TRPC5: variants seen among roughly 807,000 people sequenced by gnomAD.
The protein encoded by TRPC5 is short transient receptor potential channel 5.
In TRPC5, 9 loss-of-function variants were observed where a neutral mutation model predicts 56.5. The ratio of observed to expected loss-of-function variants is 0.16; its 90% CI spans 0.10 to 0.28. The LOEUF (loss-of-function observed/expected upper bound fraction) is 0.28, where lower values mean the gene tolerates loss of function less well. Ranked by LOEUF, TRPC5 falls within the 10% of genes least tolerant of loss-of-function variation. The pLI is 1.00. For missense variants in TRPC5, 469 were observed against 748.9 expected (o/e 0.63, Z 4.36); for synonymous variants, 282 against 278.5 (o/e 1.01, Z -0.13).
intron 2 of TRPC5, among the ~76,000 whole-genome samples, chrX:111,914,527 G>A (rs1452056609): frequency 8.9e-6 from 1 of 112,021 alleles, no homozygotes; most frequent in African/African-American, 3.2e-5. Flanking sequence ...TAGGAGAAAG[G>A]TGGAGGAGGA....
intron 2 of TRPC5, among the ~76,000 whole-genome samples, chrX:111,942,029 A>T (rs1286843594): frequency 8.9e-6 from 1 of 112,076 alleles, no homozygotes; most frequent in African/African-American, 3.2e-5. Context: ...AGACAGGGTC[A>T]TGGAGGCAGG....
chrX:112,009,330 A>G (rs1928929506), intron 1 of TRPC5, among the ~76,000 whole-genome samples: 1 of 111,115 alleles, frequency 9.0e-6, no homozygotes, highest in African/African-American at 3.3e-5. Context: ...GGCACCCAAT[A>G]TTTTCATAAA....
intron 1 of TRPC5, among the ~76,000 whole-genome samples, chrX:111,990,553 C>T (rs1408000372): frequency 9.0e-6 from 1 of 111,530 alleles, no homozygotes; most frequent in Non-Finnish European, 1.9e-5. Context: ...GTTAAAATGG[C>T]CCCAAGACAG....
At chrX:112,028,781 G>A (rs766746871) in intron 1 of TRPC5, among the ~76,000 whole-genome samples, 1 of 111,750 alleles carries the variant, frequency 8.9e-6, no homozygotes, top group South Asian at 3.8e-4. Flanking sequence ...AATCCTTTGG[G>A]TATATACCCA....
intron 7 of TRPC5, among the ~76,000 whole-genome samples, chrX:111,807,116 A>G (rs1921539423): frequency 9.0e-6 from 1 of 111,519 alleles, no homozygotes; most frequent in Non-Finnish European, 1.9e-5. Flanking sequence ...ATATTTCTAT[A>G]GGTTTGGGAA....
chrX:111,933,696 T>C (rs1056853540), intron 2 of TRPC5, among the ~76,000 whole-genome samples: 4 of 111,530 alleles, frequency 3.6e-5, no homozygotes, highest in African/African-American at 1.3e-4. Flanking sequence ...TTAGATCAAG[T>C]TTAAATAATT....
At chrX:111,937,895 A>G (rs969220186) in intron 2 of TRPC5, among the ~76,000 whole-genome samples, 1 of 105,500 alleles carries the variant, frequency 9.5e-6, no homozygotes, top group Non-Finnish European at 1.9e-5. Context: ...AGTCATTGGT[A>G]GCTTGATGGG....
intron 2 of TRPC5, among the ~76,000 whole-genome samples, chrX:111,935,551 A>C (rs1167263316): frequency 2.7e-5 from 3 of 111,839 alleles, no homozygotes; most frequent in African/African-American, 9.8e-5. Context: ...GCCCAGACCA[A>C]TGTCTTGAAG....
At chrX:111,792,755 C>T (rs144411423) in intron 7 of TRPC5, among the ~76,000 whole-genome samples, 1,617 of 112,311 alleles carry the variant, frequency 0.014, 12 homozygotes, top group Non-Finnish European at 0.021. Flanking sequence ...ACGTCATCAT[C>T]CAGGCACTTT....
intron 1 of TRPC5, among the ~76,000 whole-genome samples, chrX:112,071,345 T>TAAATAAAA (rs1359926805): frequency 1.9e-5 from 2 of 107,307 alleles, no homozygotes; most frequent in Admixed American, 9.8e-5. Context: ...AATAAATAAA[T>TAAATAAAA]AAAAAGAATC....
At chrX:111,946,920 A>G (rs2148636013) in intron 2 of TRPC5, among the ~76,000 whole-genome samples, 1 of 112,654 alleles carries the variant, frequency 8.9e-6, no homozygotes, top group African/African-American at 3.2e-5. Flanking sequence ...TGGCAAAGTC[A>G]TTCTGGAGCA....
rs183030127 is a variant in TRPC5, at chrX:111,915,517, G to A, written c.379-2705C>T. On this transcript the variant is annotated intron_variant, in intron 2 of 10. Transcript: ENST00000262839. ...CTCTGCCACTCAGGGGCCATTGCAA[G>A]TTCTGGCTTCTTCAATAGCTCCTCC... is the stretch of plus-strand genomic sequence containing the variant. Among the ~76,000 whole-genome samples the A allele has an allele frequency of 2.5e-3, 281 of 111,903 alleles. 1 individual carries two copies. Among genetic ancestry groups the A allele is most frequent in the African/African-American group, 8.8e-3 (271 of 30,789 alleles).
At chrX:111,956,354 A>C (rs1029277256) in intron 1 of TRPC5, among the ~76,000 whole-genome samples, 1 of 112,077 alleles carries the variant, frequency 8.9e-6, no homozygotes, top group African/African-American at 3.2e-5. Context: ...CCAGTTGTTT[A>C]TCTCTCCAGG....
At chrX:111,841,869 C>T (rs1922744637) in intron 6 of TRPC5, among the ~76,000 whole-genome samples, 1 of 108,583 alleles carries the variant, frequency 9.2e-6, no homozygotes, top group Non-Finnish European at 1.9e-5. Flanking sequence ...TGCCACCATG[C>T]CTGGCTAATT....
At chrX:111,947,358 A>G (rs1009428608) in intron 2 of TRPC5, among the ~76,000 whole-genome samples, 11 of 110,978 alleles carry the variant, frequency 9.9e-5, no homozygotes, top group Non-Finnish European at 2.1e-4. Context: ...TTATTTTGAG[A>G]CAGAGTGTCT....
At chrX:111,960,226 T>C (rs1927340315) in intron 1 of TRPC5, among the ~76,000 whole-genome samples, 1 of 112,077 alleles carries the variant, frequency 8.9e-6, no homozygotes, top group African/African-American at 3.2e-5. Context: ...TACAGGGGAC[T>C]CTTTCAATTT....
At chrX:112,067,393 T>G (rs1351202853) in intron 1 of TRPC5, among the ~76,000 whole-genome samples, 1 of 112,617 alleles carries the variant, frequency 8.9e-6, no homozygotes, top group African/African-American at 3.2e-5. Flanking sequence ...GCCTCAGTAA[T>G]TATTTATAGA....
intron 2 of TRPC5, among the ~76,000 whole-genome samples, chrX:111,924,604 G>C (rs886716465): frequency 1.8e-5 from 2 of 112,353 alleles, no homozygotes; most frequent in African/African-American, 6.5e-5. Flanking sequence ...AATGCTGTTT[G>C]TTTGGTTGCT....
intron 7 of TRPC5, among the ~76,000 whole-genome samples, chrX:111,824,102 G>A (rs1438493028): frequency 9.1e-6 from 1 of 109,735 alleles, no homozygotes; most frequent in Non-Finnish European, 1.9e-5. Flanking sequence ...ATGGTGGCTT[G>A]CACCTGTGGT....
Sources: gnomAD v4.1 joint callset for allele counts (sites outside exome capture counted in the v4.1 genomes callset) on GRCh38, gnomAD v4.1.1 for gene constraint, MANE v1.5 for transcripts, NCBI Gene and HGNC (gene_info 2026-07-23, HGNC 2026-07-21) for gene names.